VRK3: variants seen among roughly 807,000 people sequenced by gnomAD.
The protein encoded by VRK3 is serine/threonine-protein kinase VRK3.
Under a neutral mutation model 60.4 loss-of-function variants are expected in VRK3, and 50 were observed. The ratio of observed to expected loss-of-function variants is 0.83; its 90% CI spans 0.66 to 1.05. The LOEUF (loss-of-function observed/expected upper bound fraction) is 1.05. Among genes scored for constraint, VRK3 ranks in the 50% least tolerant of loss-of-function variants. VRK3 has a pLI of 0.00. For synonymous variants in VRK3, 246 were observed against 227.8 expected (o/e 1.08, Z -0.72); for missense variants, 549 against 585.3 (o/e 0.94, Z 0.64).
At chr19:50,012,320 A>G (rs10405464) in intron 3 of VRK3, among the ~76,000 whole-genome samples, 7,926 of 152,032 alleles carry the variant, frequency 0.052, 667 homozygotes, top group African/African-American at 0.18. Context: ...ACTTAGGGAG[A>G]TCTTCCCTGA....
chr19:49,996,516 G>A (rs908600576), intron 7 of VRK3, among the ~76,000 whole-genome samples: 1 of 152,186 alleles, frequency 6.6e-6, no homozygotes, highest in African/African-American at 2.4e-5. Flanking sequence ...AACCTCACTG[G>A]CAGAGATCAC....
chr19:50,022,011 T>C (rs1035581083), intron 1 of VRK3, among the ~76,000 whole-genome samples: 5 of 152,166 alleles, frequency 3.3e-5, no homozygotes, highest in Non-Finnish European at 5.9e-5. Context: ...GTTTAATCTT[T>C]CCCTCCACTC....
chr19:49,977,213 G>C (rs553226647), intron 14 of VRK3, among the ~76,000 whole-genome samples: 4 of 152,070 alleles, frequency 2.6e-5, no homozygotes, highest in African/African-American at 7.2e-5. Flanking sequence ...TCAGAGGGGC[G>C]GGGGTGTGGC....
intron 13 of VRK3, among the ~76,000 whole-genome samples, 160 bp downstream of exon 13, chr19:49,980,795 C>G (rs16981615): frequency 6.6e-6 from 1 of 152,030 alleles, no homozygotes; most frequent in African/African-American, 2.4e-5. Context: ...ACTAGTGAAT[C>G]TTTTGACGAT....
chr19:50,020,190 G>A (rs558091756), intron 2 of VRK3, among the ~76,000 whole-genome samples: 27 of 152,224 alleles, frequency 1.8e-4, no homozygotes, highest in African/African-American at 6.3e-4. Context: ...ACAGGTAGGC[G>A]CCACCATACC....
intron 1 of VRK3, among the ~76,000 whole-genome samples, chr19:50,023,543 G>T (rs962641206): frequency 6.6e-6 from 1 of 152,160 alleles, no homozygotes; most frequent in Non-Finnish European, 1.5e-5. Context: ...TTTCTTCACA[G>T]TGCTTGTCAC....
chr19:49,998,659 T>C (rs1201564463), intron 6 of VRK3: 6 of 152,070 alleles, frequency 3.9e-5, no homozygotes, highest in Non-Finnish European at 7.4e-5. Context: ...GGGATATAGC[T>C]GTGAACAAAG....
chr19:49,988,604 C>A (rs1303940631), intron 11 of VRK3, 112 bp from the exon 12 acceptor site: 2 of 1,405,204 alleles, frequency 1.4e-6, no homozygotes, highest in African/African-American at 1.4e-5. Flanking sequence ...CACTCATACA[C>A]CCAGCCTTCC....
rs772897207 is a variant in VRK3 at position 49,997,555 on chromosome 19, G to A, written c.628C>T (p.Arg210Cys). ...AAGAAGTTCTGCTCATTGAACAAGC[G>A]CCCATCCTTGGCATCCTGGTGGGGG... ...FSLKLDAKDG[R>C]LFNEQNFFQR... is the part of the protein sequence containing the mutation. Residue 210 changes from arginine to cysteine, a missense_variant, in exon 7 of 15, where the codon CGC becomes TGC. Coordinates refer to ENST00000316763, the MANE Select transcript of VRK3 (RefSeq NM_016440.4). 27 of 1,613,686 alleles carry A rather than the reference G, an allele frequency of 1.7e-5. No individual in the cohort carries two copies. Among genetic ancestry groups the A allele is most frequent in the Non-Finnish European group, 2.1e-5 (25 of 1,179,868 alleles).
intron 10 of VRK3, among the ~76,000 whole-genome samples, chr19:49,990,537 TG>T (rs1393261749): frequency 1.3e-5 from 2 of 151,332 alleles, no homozygotes; most frequent in African/African-American, 4.9e-5. Flanking sequence ...TGCACCACCA[TG>T]CCCAGCCGAT....
chr19:50,007,855 A>T, intron 4 of VRK3, 29 bp from the exon 5 acceptor site: 1 of 1,613,120 alleles, frequency 6.2e-7, no homozygotes. Context: ...ATAAAGTAAA[A>T]GCACCATCCA....
At chr19:49,990,022 CA>C (rs35371412) in intron 10 of VRK3, among the ~76,000 whole-genome samples, 46 of 151,206 alleles carry the variant, frequency 3.0e-4, no homozygotes, top group African/African-American at 5.4e-4. Flanking sequence ...TGCATCATTC[CA>C]AAATTTTTTT....
Position 50,007,618 on chromosome 19 carries a change from CCACTGTCGCCCACTCTTGTCTGTCAG to C in VRK3, c.472_497del (p.Leu158GlufsTer16). On this transcript the variant is annotated frameshift_variant, in exon 5 of 15. Transcript: ENST00000316763. LOFTEE classifies it high-confidence loss of function. ...CCCTGGTCTGGAAGGACTTCAGCTTCCACTGTCGCCCACTCTTGTCTGTCAGCACTGTCCCTGTGGGCAAAGCTTCA... is the reference window on the plus strand; with the variant it reads ...CCCTGGTCTGGAAGGACTTCAGCTTCCACTGTCCCTGTGGGCAAAGCTTCA... The C allele has an allele frequency of 6.2e-7, 1 of 1,614,216 alleles. No individual in the cohort carries two copies. The highest frequency in any genetic ancestry group is 8.5e-7 in the Non-Finnish European group (1 of 1,180,050).
intron 3 of VRK3, among the ~76,000 whole-genome samples, chr19:50,009,916 C>T (rs2076965024): frequency 6.6e-6 from 1 of 152,180 alleles, no homozygotes; most frequent in African/African-American, 2.4e-5. Flanking sequence ...GCTGGGATTA[C>T]AGGCATGAGC....
chr19:49,987,135 A>G (rs1179487389), intron 12 of VRK3, among the ~76,000 whole-genome samples: 1 of 152,086 alleles, frequency 6.6e-6, no homozygotes, highest in African/African-American at 2.4e-5. Context: ...TGGCCTCCCA[A>G]AGTGCTGGGA....
chr19:50,005,538 T>C (rs986502457), intron 5 of VRK3, among the ~76,000 whole-genome samples: 2 of 149,616 alleles, frequency 1.3e-5, no homozygotes, highest in Non-Finnish European at 2.9e-5. Flanking sequence ...GGTGAGAATT[T>C]AGCAAACCTC....
intron 10 of VRK3, among the ~76,000 whole-genome samples, chr19:49,991,274 G>A (rs1193387575): frequency 2.0e-5 from 3 of 152,142 alleles, no homozygotes; most frequent in Non-Finnish European, 4.4e-5. Context: ...AACTCAAGAT[G>A]TGAATAGAAT....
chr19:49,997,671 C>T (rs901512063), intron 6 of VRK3, 101 bp from the exon 7 acceptor site: 6 of 1,334,086 alleles, frequency 4.5e-6, no homozygotes, highest in African/African-American at 4.4e-5. Context: ...TGACCAGGCT[C>T]CTCATCAAGT....
At chr19:50,007,214 T>C (rs1311386766) in intron 5 of VRK3, among the ~76,000 whole-genome samples, 1 of 152,158 alleles carries the variant, frequency 6.6e-6, no homozygotes, top group East Asian at 1.9e-4. Flanking sequence ...ATCCTCTCTC[T>C]GCACACTGGC....
Sources: allele counts gnomAD v4.1 joint callset (sites outside exome capture counted in the v4.1 genomes callset), GRCh38; gene constraint gnomAD v4.1.1; transcripts MANE v1.5; gene names NCBI Gene and HGNC (gene_info 2026-07-23, HGNC 2026-07-21).